NDST4: variants seen among roughly 807,000 people sequenced by gnomAD.
NDST4 encodes the protein N-heparan sulfate sulfotransferase 4.
NDST4 carries 63 observed loss-of-function variants against 100.8 expected under a neutral mutation model. The ratio of observed to expected loss-of-function variants is 0.62; its 90% CI spans 0.51 to 0.77. NDST4 has a LOEUF of 0.77. Among genes scored for constraint, NDST4 ranks in the 30% least tolerant of loss-of-function variants. NDST4 has a pLI of 0.00. For synonymous variants in NDST4, 377 were observed against 361.8 expected, an observed-to-expected ratio of 1.04 and a Z score of -0.48; for missense variants, 943 against 1,018.4, an observed-to-expected ratio of 0.93 and a Z score of 1.01.
At chr4:114,933,880 A>G (rs564414406) in intron 6 of NDST4, among the ~76,000 whole-genome samples, 17 of 152,316 alleles carry the variant, frequency 1.1e-4, no homozygotes, top group African/African-American at 4.1e-4. Context: ...ATGTGGAGAA[A>G]GGGGAACATT....
At chr4:114,881,590 T>G (rs1294353785) in intron 6 of NDST4, among the ~76,000 whole-genome samples, 1 of 152,082 alleles carries the variant, frequency 6.6e-6, no homozygotes, top group Non-Finnish European at 1.5e-5. Flanking sequence ...TATAAATTTA[T>G]ACAGCCTCTA....
chr4:114,966,108 CTA>C (rs1232149059), intron 4 of NDST4, among the ~76,000 whole-genome samples: 2 of 151,994 alleles, frequency 1.3e-5, no homozygotes, highest in African/African-American at 4.8e-5. Context: ...TTTCGGTTGA[CTA>C]TGCTTGTCAT....
At chr4:114,875,850 C>A (rs1287414708) in intron 6 of NDST4, among the ~76,000 whole-genome samples, 1 of 152,140 alleles carries the variant, frequency 6.6e-6, no homozygotes, top group African/African-American at 2.4e-5. Context: ...AGTTTCCTTG[C>A]TTTTCCTACT....
intron 1 of NDST4, among the ~76,000 whole-genome samples, chr4:115,080,691 AGTGT>A (rs34472301): frequency 1.1e-5 from 1 of 94,018 alleles, no homozygotes; most frequent in Admixed American, 1.1e-4. Context: ...TATAGTGTGT[AGTGT>A]GTGTGTGTGT....
chr4:114,946,258 T>G (rs1725860570), intron 4 of NDST4, among the ~76,000 whole-genome samples: 1 of 151,998 alleles, frequency 6.6e-6, no homozygotes, highest in Non-Finnish European at 1.5e-5. Flanking sequence ...TAATTCATTT[T>G]ATTCATGGTG....
chr4:114,997,384 A>AGT (rs1727187861), intron 2 of NDST4, among the ~76,000 whole-genome samples: 1 of 152,118 alleles, frequency 6.6e-6, no homozygotes, highest in Non-Finnish European at 1.5e-5. Flanking sequence ...CAAGTTGCTA[A>AGT]AGGAAAAATA....
chr4:114,938,985 C>G (rs1016163009), intron 4 of NDST4, among the ~76,000 whole-genome samples: 1 of 152,148 alleles, frequency 6.6e-6, no homozygotes, highest in African/African-American at 2.4e-5. Flanking sequence ...TTCTTCCTAG[C>G]ACTTGTGTTT....
At chr4:114,847,226 A>T (rs1196286340) in intron 9 of NDST4, among the ~76,000 whole-genome samples, 1 of 140,962 alleles carries the variant, frequency 7.1e-6, no homozygotes, top group Non-Finnish European at 1.5e-5. Context: ...AATACAAAAA[A>T]TTAGCCGGGC....
At chr4:115,092,617 CT>C (rs2126295400) in intron 1 of NDST4, among the ~76,000 whole-genome samples, 1 of 151,420 alleles carries the variant, frequency 6.6e-6, no homozygotes, top group Admixed American at 6.6e-5. Context: ...TCTAGAAATG[CT>C]GTATTTTCTG....
chr4:114,958,056 C>T (rs980286738), intron 4 of NDST4, among the ~76,000 whole-genome samples: 1 of 152,162 alleles, frequency 6.6e-6, no homozygotes, highest in Non-Finnish European at 1.5e-5. Flanking sequence ...AGGATGGTGA[C>T]CCTCTTCTCA....
intron 6 of NDST4, among the ~76,000 whole-genome samples, chr4:114,879,942 G>C (rs2126200606): frequency 6.6e-6 from 1 of 152,266 alleles, no homozygotes; most frequent in East Asian, 1.9e-4. Flanking sequence ...TTATTTACCA[G>C]TGTCCCAGTT....
At chr4:114,834,788 C>A (rs1723276121) in intron 11 of NDST4, among the ~76,000 whole-genome samples, 1 of 152,114 alleles carries the variant, frequency 6.6e-6, no homozygotes, top group Non-Finnish European at 1.5e-5. Flanking sequence ...AAATTTAGAA[C>A]TTGTTATCGG....
intron 6 of NDST4, among the ~76,000 whole-genome samples, chr4:114,923,955 C>G (rs1034686181): frequency 1.3e-5 from 2 of 151,644 alleles, no homozygotes; most frequent in Non-Finnish European, 2.9e-5. Flanking sequence ...AAAATGCAAT[C>G]TTACGGATTT....
At chr4:115,075,310 G>A (rs1160296821) in intron 2 of NDST4, among the ~76,000 whole-genome samples, 2 of 152,168 alleles carry the variant, frequency 1.3e-5, no homozygotes, top group Non-Finnish European at 2.9e-5. Flanking sequence ...AAGGTCTTGT[G>A]CTGTTTCTCC....
chr4:114,848,356 A>C lies in NDST4; in HGVS notation c.1817-18T>G, dbSNP rs756300074. On this transcript the variant is annotated intron_variant, in intron 8 of 13. Transcript: ENST00000264363. ...AGTTGTTCCTGTTACAAAAAAAGAA[A>C]GTAAAAGGTTATATGGCAATAAGAG... is the stretch of plus-strand genomic sequence containing the variant. 1 of 1,551,696 alleles carries C rather than the reference A, an allele frequency of 6.4e-7. No homozygotes were observed. The highest frequency in any genetic ancestry group is 8.7e-7 in the Non-Finnish European group (1 of 1,146,428).
chr4:114,965,611 T>C lies in NDST4; in HGVS notation c.1221+4819A>G, dbSNP rs565560503. 4.1e-4 allele frequency among the ~76,000 whole-genome samples: 62 copies of C among 152,148 alleles called. 1 individual carries two copies. Among genetic ancestry groups the C allele is most frequent in the African/African-American group, 1.4e-3 (57 of 41,566 alleles). Reference sequence around the variant, plus strand: ...AACACAGCAAGTAAAATTCACATCATCATTGAAAATGTCAATATTAAGGAC... The same window carrying C: ...AACACAGCAAGTAAAATTCACATCACCATTGAAAATGTCAATATTAAGGAC... On this transcript the variant is annotated intron_variant, in intron 4 of 13. Transcript: ENST00000264363.
At chr4:114,960,496 C>T (rs1308302296) in intron 4 of NDST4, among the ~76,000 whole-genome samples, 1 of 151,832 alleles carries the variant, frequency 6.6e-6, no homozygotes, top group East Asian at 1.9e-4. Context: ...ATCCCAGCTA[C>T]TCAGGAGGCT....
chr4:114,841,084 C>T (rs1444327990), intron 10 of NDST4, among the ~76,000 whole-genome samples: 1 of 151,482 alleles, frequency 6.6e-6, no homozygotes, highest in Non-Finnish European at 1.5e-5. Flanking sequence ...AAAATGTCTA[C>T]CTTAAGCAGT....
At chr4:114,880,573 A>T (rs1486290962) in intron 6 of NDST4, among the ~76,000 whole-genome samples, 3 of 152,148 alleles carry the variant, frequency 2.0e-5, no homozygotes, top group African/African-American at 4.8e-5. Context: ...AACAGTTTTC[A>T]ATGAAGAAAA....
Sources: allele counts gnomAD v4.1 joint callset (sites outside exome capture counted in the v4.1 genomes callset), GRCh38; gene constraint gnomAD v4.1.1; transcripts MANE v1.5; gene names NCBI Gene and HGNC (gene_info 2026-07-23, HGNC 2026-07-21).